GRM1: variants seen among roughly 807,000 people sequenced by gnomAD.
GRM1 encodes the protein glutamate metabotropic receptor 1.
Under a neutral mutation model 90.9 loss-of-function variants are expected in GRM1, and 33 were observed. That is an observed-to-expected ratio of 0.36 (90% CI 0.28 to 0.49). The LOEUF is 0.49. Among genes scored for constraint, GRM1 ranks in the 20% least tolerant of loss-of-function variants. GRM1 has a pLI of 0.99. For synonymous variants in GRM1, 700 were observed against 613.2 expected, an observed-to-expected ratio of 1.14 and a Z score of -2.09; for missense variants, 1,190 against 1,534.3, an observed-to-expected ratio of 0.78 and a Z score of 3.75.
At chr6:146,277,535 G>A (rs1782418724) in intron 2 of GRM1, among the ~76,000 whole-genome samples, 1 of 152,204 alleles carries the variant, frequency 6.6e-6, no homozygotes, top group African/African-American at 2.4e-5. Flanking sequence ...ATTTGAGCGA[G>A]TTCCCCTGGC....
intron 2 of GRM1, among the ~76,000 whole-genome samples, chr6:146,231,435 TGA>T (rs1780448513): frequency 6.6e-6 from 1 of 152,200 alleles, no homozygotes; most frequent in African/African-American, 2.4e-5. Flanking sequence ...TTGAATATGG[TGA>T]GAGTGGGCAA....
At chr6:146,289,708 A>G (rs1020076083) in intron 2 of GRM1, among the ~76,000 whole-genome samples, 3 of 152,164 alleles carry the variant, frequency 2.0e-5, no homozygotes, top group African/African-American at 7.2e-5. Flanking sequence ...TAGCTTTTAT[A>G]CATTATTTGT....
At chr6:146,187,250 A>G (rs1778766084) in intron 2 of GRM1, among the ~76,000 whole-genome samples, 1 of 152,180 alleles carries the variant, frequency 6.6e-6, no homozygotes, top group Non-Finnish European at 1.5e-5. Context: ...ATATTAATCA[A>G]CTATTATAAA....
chr6:146,119,152 A>G (rs997466716), intron 1 of GRM1, among the ~76,000 whole-genome samples: 2 of 152,176 alleles, frequency 1.3e-5, no homozygotes, highest in Non-Finnish European at 2.9e-5. Flanking sequence ...GTGAGATGGT[A>G]TCTCATTGTG....
chr6:146,277,349 C>T (rs964080389), intron 2 of GRM1, among the ~76,000 whole-genome samples: 1 of 152,136 alleles, frequency 6.6e-6, no homozygotes, highest in East Asian at 1.9e-4. Flanking sequence ...GAATATTCTG[C>T]CTGACAAGAG....
rs546428547 is a variant in GRM1 at position 146,029,269 on chromosome 6, A to G, written c.-249A>G. 1.8e-6 allele frequency: 1 copy of G among 558,396 alleles called. No individual in the cohort carries two copies. Among genetic ancestry groups the G allele is most frequent in the African/African-American group, 1.9e-5 (1 of 53,074 alleles). 34.6% of individuals were successfully genotyped at this position (558,396 alleles called of 1,614,324 possible). ...AATTTACCTTGATGCACTACCGGTG[A>G]AGAACGGGGACTCGAATTCCCTTAC... On this transcript the variant is annotated 5_prime_UTR_variant, in exon 1 of 8. The change abolishes the stop of an existing upstream ORF in the 5' untranslated region. Transcript: ENST00000282753.
intron 1 of GRM1, among the ~76,000 whole-genome samples, chr6:146,148,806 G>C (rs184343911): frequency 1.4e-3 from 217 of 152,240 alleles, no homozygotes; most frequent in Non-Finnish European, 2.8e-3. Flanking sequence ...TTTTGTGTGA[G>C]CGTGTGTTTG....
intron 2 of GRM1, among the ~76,000 whole-genome samples, chr6:146,180,602 T>G (rs1029091284): frequency 6.6e-6 from 1 of 152,206 alleles, no homozygotes; most frequent in African/African-American, 2.4e-5. Flanking sequence ...CCTTTTCTTC[T>G]CTTTGTCATA....
At chr6:146,313,881 A>G (rs1189673432) in intron 3 of GRM1, among the ~76,000 whole-genome samples, 1 of 151,990 alleles carries the variant, frequency 6.6e-6, no homozygotes, top group Non-Finnish European at 1.5e-5. Flanking sequence ...ATCCCCAGGC[A>G]GTCACTTATT....
chr6:146,163,868 T>C (rs934704874), intron 2 of GRM1, among the ~76,000 whole-genome samples: 2 of 152,154 alleles, frequency 1.3e-5, no homozygotes, highest in African/African-American at 4.8e-5. Context: ...CCTATGATAA[T>C]TCATTAACGG....
chr6:146,048,873 T>C (rs1224603819), intron 1 of GRM1, among the ~76,000 whole-genome samples: 3 of 151,896 alleles, frequency 2.0e-5, no homozygotes, highest in Non-Finnish European at 4.4e-5. Context: ...AAGAACCAAT[T>C]CTATCGACAC....
At chr6:146,055,629 G>A (rs1775457078) in intron 1 of GRM1, among the ~76,000 whole-genome samples, 4 of 152,100 alleles carry the variant, frequency 2.6e-5, no homozygotes, top group South Asian at 4.1e-4. Flanking sequence ...AGAATTGAAG[G>A]GCTGGGGAGG....
intron 5 of GRM1, among the ~76,000 whole-genome samples, chr6:146,367,359 C>T (rs1410672505): frequency 1.3e-5 from 2 of 152,084 alleles, no homozygotes; most frequent in African/African-American, 4.8e-5. Flanking sequence ...TGTTCTTTTG[C>T]TCAAGATTGT....
chr6:146,101,127 C>G (rs935251756), intron 1 of GRM1, among the ~76,000 whole-genome samples: 28 of 152,112 alleles, frequency 1.8e-4, no homozygotes, highest in African/African-American at 6.8e-4. Context: ...TTTACAGTCA[C>G]AAGTTTTTCA....
At chr6:146,186,529 G>A (rs1014391286) in intron 2 of GRM1, among the ~76,000 whole-genome samples, 2 of 152,014 alleles carry the variant, frequency 1.3e-5, no homozygotes, top group African/African-American at 4.8e-5. Flanking sequence ...CTGTTTCTTA[G>A]CCTCTTTTCT....
At chr6:146,358,671 T>C (rs928884247) in intron 5 of GRM1, among the ~76,000 whole-genome samples, 5 of 152,022 alleles carry the variant, frequency 3.3e-5, no homozygotes, top group Admixed American at 2.0e-4. Context: ...CACTGAAGGG[T>C]CCCCAGGGCA....
At chr6:146,303,176 A>G (rs752393462) in intron 2 of GRM1, among the ~76,000 whole-genome samples, 3 of 152,180 alleles carry the variant, frequency 2.0e-5, no homozygotes, top group South Asian at 2.1e-4. Flanking sequence ...ATTTATCTCA[A>G]TTGATCTCAG....
chr6:146,362,664 C>CCA (rs1775531280), intron 5 of GRM1, among the ~76,000 whole-genome samples: 1 of 86,210 alleles, frequency 1.2e-5, no homozygotes, highest in Non-Finnish European at 2.4e-5. Flanking sequence ...GACTCCATCT[C>CCA]AAAAAAAAAA....
intron 1 of GRM1, among the ~76,000 whole-genome samples, chr6:146,148,808 G>A (rs964180634): frequency 2.6e-5 from 4 of 152,106 alleles, no homozygotes; most frequent in Admixed American, 1.3e-4. Flanking sequence ...TTGTGTGAGC[G>A]TGTGTTTGTG....
Sources: gnomAD v4.1 joint callset for allele counts (sites outside exome capture counted in the v4.1 genomes callset) on GRCh38, gnomAD v4.1.1 for gene constraint, MANE v1.5 for transcripts, NCBI Gene and HGNC (gene_info 2026-07-23, HGNC 2026-07-21) for gene names.